Variants in ERGIC1 observed in about 807,000 individuals in gnomAD.
The protein encoded by ERGIC1 is endoplasmic reticulum-golgi intermediate compartment 1, also known as endoplasmic reticulum-Golgi intermediate compartment protein 1.
Under a neutral mutation model 38.3 loss-of-function variants are expected in ERGIC1, and 19 were observed. That is an observed-to-expected ratio of 0.50 (90% CI 0.35 to 0.73). The LOEUF (loss-of-function observed/expected upper bound fraction) is 0.73, where lower values mean the gene tolerates loss of function less well. ERGIC1 is among the 30% of genes least tolerant of loss of function. The pLI, the probability that ERGIC1 is intolerant of heterozygous loss-of-function variation, is 0.01. For missense variants in ERGIC1, 294 were observed against 389.2 expected (o/e 0.76, Z 2.06); for synonymous variants, 124 against 157.6 (o/e 0.79, Z 1.60).
chr5:172,854,170 C>T (rs1056962246), intron 1 of ERGIC1, among the ~76,000 whole-genome samples: 1 of 150,164 alleles, frequency 6.7e-6, no homozygotes, highest in African/African-American at 2.5e-5. Context: ...CACCTGAGTC[C>T]AGGAGTTCGA....
At chr5:172,847,031 A>G (rs1761295767) in intron 1 of ERGIC1, among the ~76,000 whole-genome samples, 1 of 152,202 alleles carries the variant, frequency 6.6e-6, no homozygotes, top group South Asian at 2.1e-4. Flanking sequence ...GCTGTAATGC[A>G]ACACACGTTT....
intron 1 of ERGIC1, among the ~76,000 whole-genome samples, chr5:172,871,150 G>A (rs1006065738): frequency 2.0e-5 from 3 of 152,258 alleles, no homozygotes; most frequent in Non-Finnish European, 4.4e-5. Context: ...CTCAGGGGCT[G>A]CAGAGGTCCC....
At chr5:172,840,498 A>G (rs1761134065) in intron 1 of ERGIC1, among the ~76,000 whole-genome samples, 4 of 152,168 alleles carry the variant, frequency 2.6e-5, no homozygotes, top group Admixed American at 2.0e-4. Context: ...ATGTGATTCT[A>G]ATGCACAGCC....
chr5:172,935,371 C>T, intron 9 of ERGIC1, 61 bp downstream of exon 9: 1 of 1,607,142 alleles, frequency 6.2e-7, no homozygotes, highest in Non-Finnish European at 8.5e-7. Flanking sequence ...TGCTCTGGGC[C>T]CCTTTCCTTG....
intron 3 of ERGIC1, among the ~76,000 whole-genome samples, chr5:172,904,060 G>A (rs994930353): frequency 6.6e-6 from 1 of 152,180 alleles, no homozygotes; most frequent in African/African-American, 2.4e-5. Flanking sequence ...TGACCTGGCA[G>A]TCATCCAGCA....
intron 1 of ERGIC1, among the ~76,000 whole-genome samples, chr5:172,864,868 C>T (rs773381222): frequency 3.3e-5 from 5 of 151,836 alleles, no homozygotes; most frequent in South Asian, 2.1e-4. Context: ...CACTTAAGCC[C>T]GGCTCACACA....
At chr5:172,894,484 G>A (rs1049958777) in intron 2 of ERGIC1, among the ~76,000 whole-genome samples, 9 of 151,974 alleles carry the variant, frequency 5.9e-5, no homozygotes, top group East Asian at 1.9e-4. Flanking sequence ...ATGAGCCACC[G>A]CGCCTGGCCA....
chr5:172,923,895 C>T, intron 5 of ERGIC1, 110 bp from the exon 6 acceptor site: 2 of 952,766 alleles, frequency 2.1e-6, no homozygotes, highest in South Asian at 2.9e-5. Flanking sequence ...GGATCCAAAC[C>T]CAGATCTGCC....
At chr5:172,836,036 C>T (rs1246889524) in intron 1 of ERGIC1, among the ~76,000 whole-genome samples, 2 of 152,188 alleles carry the variant, frequency 1.3e-5, no homozygotes, top group Non-Finnish European at 2.9e-5. Flanking sequence ...CAGTAGGTTC[C>T]GGTGATTTTG....
intron 1 of ERGIC1, among the ~76,000 whole-genome samples, chr5:172,835,679 C>G (rs1190003682): frequency 6.6e-6 from 1 of 152,210 alleles, no homozygotes; most frequent in African/African-American, 2.4e-5. Context: ...CCTGCCATGA[C>G]CCCCATAGCA....
chr5:172,932,343 C>A (rs1252204715), intron 7 of ERGIC1, 93 bp from the exon 8 acceptor site: 5 of 1,295,270 alleles, frequency 3.9e-6, no homozygotes, highest in African/African-American at 1.5e-5. Context: ...CCCTGCCGTG[C>A]CCAGGGAATT....
At chr5:172,896,667 G>A (rs1762730296) in intron 2 of ERGIC1, among the ~76,000 whole-genome samples, 1 of 152,160 alleles carries the variant, frequency 6.6e-6, no homozygotes, top group Non-Finnish European at 1.5e-5. Context: ...GTTGTCACTC[G>A]AGCCAAACAG....
chr5:172,939,268 T>C (rs1184106161), intron 9 of ERGIC1, among the ~76,000 whole-genome samples: 1 of 152,160 alleles, frequency 6.6e-6, no homozygotes, highest in East Asian at 1.9e-4. Context: ...TGACCGGCTC[T>C]AGTGGAGATG....
chr5:172,861,876 G>GACT (rs1459326914), intron 1 of ERGIC1, among the ~76,000 whole-genome samples: 1 of 152,168 alleles, frequency 6.6e-6, no homozygotes, highest in Non-Finnish European at 1.5e-5. Flanking sequence ...TTGCAGTGTG[G>GACT]ACTACTTTTC....
At chr5:172,852,321 C>T (rs549515981) in intron 1 of ERGIC1, among the ~76,000 whole-genome samples, 1 of 152,332 alleles carries the variant, frequency 6.6e-6, no homozygotes, top group Non-Finnish European at 1.5e-5. Context: ...GCTTGTTAGC[C>T]TGCAGGAGCT....
intron 4 of ERGIC1, 43 bp from the exon 5 acceptor site, chr5:172,914,671 C>A (rs748467812): frequency 6.2e-7 from 1 of 1,613,690 alleles, no homozygotes; most frequent in East Asian, 2.2e-5. Context: ...CATCCTCCCG[C>A]GTCTCTGGGT....
intron 1 of ERGIC1, among the ~76,000 whole-genome samples, chr5:172,886,536 T>C (rs1410447562): frequency 6.6e-6 from 1 of 152,226 alleles, no homozygotes; most frequent in Admixed American, 6.5e-5. Flanking sequence ...GATTTTTATC[T>C]CCTTGCCTAA....
At chr5:172,855,333 G>A (rs879062092) in intron 1 of ERGIC1, among the ~76,000 whole-genome samples, 1 of 152,158 alleles carries the variant, frequency 6.6e-6, no homozygotes, top group African/African-American at 2.4e-5. Flanking sequence ...CTCTCTGCTG[G>A]GGGCTCCACC....
rs13436311 is a variant in ERGIC1 at position 172,925,008 on chromosome 5, C to T, written c.480+899C>T. Among the ~76,000 whole-genome samples the T allele has an allele frequency of 8.7e-4, 133 of 152,134 alleles. 1 individual carries two copies. The highest frequency in any genetic ancestry group is 2.7e-3 in the African/African-American group (112 of 41,508). On this transcript the variant is annotated intron_variant, in intron 6 of 9. Transcript: ENST00000393784. ...ATCCCAGCACTTTGGGAGGCTGAAG[C>T]GGGCGAACTGCTTGAGGTCAGAAGT...
Sources: allele counts gnomAD v4.1 joint callset (sites outside exome capture counted in the v4.1 genomes callset), GRCh38; gene constraint gnomAD v4.1.1; transcripts MANE v1.5; gene names NCBI Gene and HGNC (gene_info 2026-07-23, HGNC 2026-07-21).